Variants in OSBPL6 observed in about 807,000 individuals in gnomAD.
The protein encoded by OSBPL6 is oxysterol binding protein like 6, also known as oxysterol-binding protein-related protein 6.
Under a neutral mutation model 125.8 loss-of-function variants are expected in OSBPL6, and 49 were observed. That is an observed-to-expected ratio of 0.39 (90% CI 0.31 to 0.49). The LOEUF is 0.49. Ranked by LOEUF, OSBPL6 falls within the 20% of genes least tolerant of loss-of-function variation. The pLI, the probability that OSBPL6 is intolerant of heterozygous loss-of-function variation, is 0.88. For synonymous variants in OSBPL6, 394 were observed against 391.8 expected (o/e 1.01, Z -0.07); for missense variants, 986 against 1,135.4 (o/e 0.87, Z 1.89).
At chr2:178,346,180 A>G (rs934645952) in intron 11 of OSBPL6, among the ~76,000 whole-genome samples, 34 of 152,314 alleles carry the variant, frequency 2.2e-4, no homozygotes, top group African/African-American at 8.2e-4. Context: ...CAGCCAACTC[A>G]CAGCAGCAGC....
intron 1 of OSBPL6, among the ~76,000 whole-genome samples, chr2:178,245,262 T>C (rs2091447800): frequency 6.6e-6 from 1 of 152,208 alleles, no homozygotes; most frequent in African/African-American, 2.4e-5. Context: ...CTGTTCTTAA[T>C]TTTTTAAAAA....
intron 1 of OSBPL6, among the ~76,000 whole-genome samples, chr2:178,248,515 T>G (rs2091573875): frequency 1.3e-5 from 2 of 152,126 alleles, no homozygotes; most frequent in African/African-American, 4.8e-5. Context: ...AACCCTGATG[T>G]TAGTTGTTTT....
At chr2:178,375,228 A>C (rs1468097585) in intron 15 of OSBPL6, among the ~76,000 whole-genome samples, 1 of 152,116 alleles carries the variant, frequency 6.6e-6, no homozygotes, top group Non-Finnish European at 1.5e-5. Flanking sequence ...AGAATGTTAG[A>C]GCTCCATACT....
chr2:178,360,706 A>G (rs953149396), intron 12 of OSBPL6, among the ~76,000 whole-genome samples: 1 of 152,192 alleles, frequency 6.6e-6, no homozygotes, highest in African/African-American at 2.4e-5. Flanking sequence ...TTTAAAATGG[A>G]TGAAGAGCTT....
At chr2:178,265,186 C>T (rs1209339978) in intron 1 of OSBPL6, among the ~76,000 whole-genome samples, 1 of 97,882 alleles carries the variant, frequency 1.0e-5, no homozygotes, top group Non-Finnish European at 2.1e-5. Context: ...CTGGCCCAGA[C>T]GAGACTTTTT....
chr2:178,288,622 A>G (rs1684934493), intron 2 of OSBPL6, among the ~76,000 whole-genome samples: 1 of 152,026 alleles, frequency 6.6e-6, no homozygotes, highest in South Asian at 2.1e-4. Context: ...TTTCATATAT[A>G]AATAGTAGGG....
At chr2:178,250,931 A>G (rs764797633) in intron 1 of OSBPL6, among the ~76,000 whole-genome samples, 3 of 151,914 alleles carry the variant, frequency 2.0e-5, no homozygotes, top group African/African-American at 4.8e-5. Flanking sequence ...CTCTAAGCCC[A>G]TGGTAGACAT....
intron 5 of OSBPL6, among the ~76,000 whole-genome samples, chr2:178,330,639 G>A (rs1395326359): frequency 6.6e-6 from 1 of 152,186 alleles, no homozygotes; most frequent in East Asian, 1.9e-4. Context: ...ACTTACAGAA[G>A]GCGATCCCGA....
intron 24 of OSBPL6, 102 bp downstream of exon 24, chr2:178,394,537 T>C: frequency 1.4e-6 from 2 of 1,384,850 alleles, no homozygotes; most frequent in Non-Finnish European, 2.0e-6. Context: ...AAATGGATTT[T>C]GGTATCTTTG....
intron 1 of OSBPL6, among the ~76,000 whole-genome samples, chr2:178,231,007 GAGA>G (rs1476024546): frequency 6.6e-6 from 1 of 152,118 alleles, no homozygotes; most frequent in East Asian, 1.9e-4. Context: ...ATCTCACACT[GAGA>G]AGATTAACGA....
chr2:178,314,812 T>A (rs1687593488), intron 3 of OSBPL6, among the ~76,000 whole-genome samples: 1 of 152,088 alleles, frequency 6.6e-6, no homozygotes, highest in Non-Finnish European at 1.5e-5. Flanking sequence ...GGAGACAGGA[T>A]TTGCTCCCTG....
intron 13 of OSBPL6, among the ~76,000 whole-genome samples, chr2:178,367,140 C>G (rs1207051256): frequency 2.8e-4 from 42 of 151,866 alleles, no homozygotes; most frequent in Non-Finnish European, 7.4e-5. Flanking sequence ...GGGGCAGATA[C>G]AGTATGTAAA....
At chr2:178,258,100 G>GT (rs896235924) in intron 1 of OSBPL6, among the ~76,000 whole-genome samples, 8 of 150,526 alleles carry the variant, frequency 5.3e-5, no homozygotes, top group East Asian at 2.0e-4. Context: ...TAAAGCTCTA[G>GT]TTTTTTTTTC....
At chr2:178,337,560 C>T (rs181574088) in intron 9 of OSBPL6, among the ~76,000 whole-genome samples, 3 of 152,278 alleles carry the variant, frequency 2.0e-5, no homozygotes, top group East Asian at 3.9e-4. Flanking sequence ...TGAGACATAG[C>T]GCAGTAAGTA....
At chr2:178,218,855 C>G (rs1232424887) in intron 1 of OSBPL6, among the ~76,000 whole-genome samples, 2 of 152,116 alleles carry the variant, frequency 1.3e-5, no homozygotes, top group African/African-American at 4.8e-5. Context: ...GTCTTGAACT[C>G]CTGACCTCGT....
chr2:178,257,273 G>C (rs1256556751), intron 1 of OSBPL6, among the ~76,000 whole-genome samples: 2 of 152,136 alleles, frequency 1.3e-5, no homozygotes, highest in African/African-American at 4.8e-5. Context: ...TCTAGAATAT[G>C]CTTTTAGGCA....
At chr2:178,229,492 C>A (rs1029542764) in intron 1 of OSBPL6, among the ~76,000 whole-genome samples, 1 of 152,184 alleles carries the variant, frequency 6.6e-6, no homozygotes, top group Non-Finnish European at 1.5e-5. Context: ...CCTTTCCCTA[C>A]CCCCAGACCA....
chr2:178,265,368 G>A (rs936333499), intron 1 of OSBPL6, among the ~76,000 whole-genome samples: 6 of 151,206 alleles, frequency 4.0e-5, no homozygotes, highest in Non-Finnish European at 7.4e-5. Context: ...TGTGCTACCA[G>A]GCCTGGCTAA....
intron 2 of OSBPL6, among the ~76,000 whole-genome samples, chr2:178,302,706 T>C (rs1686407417): frequency 6.6e-6 from 1 of 152,222 alleles, no homozygotes; most frequent in Non-Finnish European, 1.5e-5. Flanking sequence ...ATATTTAAAC[T>C]GTAGTTCAAC....
Sources: allele counts gnomAD v4.1 joint callset (sites outside exome capture counted in the v4.1 genomes callset), GRCh38; gene constraint gnomAD v4.1.1; transcripts MANE v1.5; gene names NCBI Gene and HGNC (gene_info 2026-07-23, HGNC 2026-07-21).